TUT1: variants seen among roughly 807,000 people sequenced by gnomAD.
TUT1 encodes the protein speckle targeted PIP5K1A-regulated poly(A) polymerase.
In TUT1, 26 loss-of-function variants were observed where a neutral mutation model predicts 48.8. That is an observed-to-expected ratio of 0.53 (90% CI 0.39 to 0.74). The LOEUF (loss-of-function observed/expected upper bound fraction) is 0.74, where lower values mean the gene tolerates loss of function less well. TUT1 is among the 30% of genes least tolerant of loss of function. The pLI is 0.00. For synonymous variants in TUT1, 470 were observed against 460.8 expected (o/e 1.02, Z -0.26); for missense variants, 1,065 against 1,114.8 (o/e 0.96, Z 0.64).
At chr11:62,584,391 G>T (rs1183316277) in intron 2 of TUT1, among the ~76,000 whole-genome samples, 1 of 151,632 alleles carries the variant, frequency 6.6e-6, no homozygotes, top group Non-Finnish European at 1.5e-5. Context: ...GCCTCCCAGA[G>T]GGCTGGGATT....
rs754419575 is a variant in TUT1 at position 62,581,450 on chromosome 11, G to C, written c.525C>G (p.Ala175=). The C allele has an allele frequency of 5.0e-6, 8 of 1,613,574 alleles. No homozygotes were observed. The highest frequency in any genetic ancestry group is 2.2e-5 in the East Asian group (1 of 44,896). The change falls in exon 3 of 9, where the codon GCC becomes GCG. Residue 175 remains alanine, a synonymous_variant. Coordinates refer to ENST00000476907, the MANE Select transcript of TUT1 (RefSeq NM_022830.3). The stretch of plus-strand genomic sequence containing the variant: ...CCACTAGGCTGCGAAGCTGCCGCTC[G>C]GCCTCGGACAACTCCCTCAGCCCCA... ...KLVGLRELSE[A]ERQLRSLVVA...
chr11:62,585,223 C>T (rs982073413), intron 2 of TUT1, among the ~76,000 whole-genome samples: 1 of 152,074 alleles, frequency 6.6e-6, no homozygotes, highest in Non-Finnish European at 1.5e-5. Context: ...TGGGCTCAAG[C>T]GAACCTCCCG....
rs766381068 is a variant in TUT1 at position 62,581,109 on chromosome 11, G to C, written c.687C>G (p.Pro229=). The C allele has an allele frequency of 1.2e-6, 2 of 1,613,672 alleles. No individual in the cohort carries two copies. The highest frequency in any genetic ancestry group is 1.7e-6 in the Non-Finnish European group (2 of 1,179,732). Residue 229 remains proline (P), a synonymous_variant, in exon 4 of 9, where the codon CCC becomes CCG. Transcript: ENST00000476907. The part of the protein sequence containing the change: ...LFLDLGDLEE[P]QPVPKAPESP... ...CCTCCCTGGGACACTCACTCACCTG[G>C]GGCTCTTCCAAGTCACCCAGATCCA...
In TUT1 at chr11:62,577,287, C is replaced by T; in HGVS notation, c.1165G>A (p.Ala389Thr). Residue 389 changes from alanine to threonine, a missense_variant, in exon 6 of 9, where the codon GCC becomes ACC. Physicochemically the swap from Ala to Thr is moderately conservative, Grantham distance 58. Transcript: ENST00000476907. ...HGDVSLSNRL[A>T]LHNSRFLSLC... Reference sequence around the variant, plus strand: ...CTCAGGAAACGGGAGTTATGCAGGGCCAGCCTGGGACAAAGCAGGGACAAG... The same window carrying T: ...CTCAGGAAACGGGAGTTATGCAGGGTCAGCCTGGGACAAAGCAGGGACAAG... 1 of 1,612,128 alleles carries T rather than the reference C, an allele frequency of 6.2e-7. No individual in the cohort carries two copies. The highest frequency in any genetic ancestry group is 8.5e-7 in the Non-Finnish European group (1 of 1,179,364).
chr11:62,576,645 C>T lies in TUT1; in HGVS notation c.1474+12G>A. ...ATCATTACTAGTCCTCTACCAGGCT[C>T]CCCAAACTCACTGAGGGGCTCCACA... On this transcript the variant is annotated intron_variant, in intron 8 of 8. Coordinates refer to ENST00000476907, the MANE Select transcript of TUT1 (RefSeq NM_022830.3). 1 of 1,612,692 alleles carries T rather than the reference C, an allele frequency of 6.2e-7. No individual in the cohort carries two copies.
intron 2 of TUT1, among the ~76,000 whole-genome samples, chr11:62,587,435 C>T (rs1941939191): frequency 6.6e-6 from 1 of 151,898 alleles, no homozygotes; most frequent in Non-Finnish European, 1.5e-5. Flanking sequence ...CCCGCCCCAG[C>T]CTACCAAAGT....
intron 4 of TUT1, among the ~76,000 whole-genome samples, chr11:62,580,623 T>G (rs1343207065): frequency 1.4e-5 from 2 of 145,806 alleles, no homozygotes; most frequent in Non-Finnish European, 3.0e-5. Flanking sequence ...TTTTTTTTTT[T>G]GAGGAGTCTC....
In TUT1 at chr11:62,575,206, G is replaced by C. The variant is rs115926342; in HGVS notation, c.2513C>G (p.Pro838Arg). 19 of 1,613,042 alleles carry C rather than the reference G, an allele frequency of 1.2e-5. No homozygotes were observed. The highest frequency in any genetic ancestry group is 6.7e-5 in the African/African-American group (5 of 74,892). Residue 838 changes from proline to arginine, a missense_variant, in exon 9 of 9, where the codon CCG becomes CGG. Physicochemically the swap from Pro to Arg is moderately radical, Grantham distance 103 (BLOSUM62 -2). Coordinates refer to ENST00000476907, the MANE Select transcript of TUT1 (RefSeq NM_022830.3). ...GGTCACAGTGAGCATTCGGTCAGCC[G>C]GGGAGACAGACGCCACAAAGCTCAG... ...PLLSFVASVSPADRMLTVTPL... is the reference protein window; with the variant it reads ...PLLSFVASVSRADRMLTVTPL...
At chr11:62,583,029 AAGG>A (rs1565268067) in intron 2 of TUT1, among the ~76,000 whole-genome samples, 1 of 151,640 alleles carries the variant, frequency 6.6e-6, no homozygotes, top group Non-Finnish European at 1.5e-5. Flanking sequence ...TAGGGAGGCT[AAGG>A]CAGGAGAATG....
In TUT1 at chr11:62,575,941, G is replaced by A; in HGVS notation, c.1778C>T (p.Pro593Leu). 1 of 1,614,158 alleles carries A rather than the reference G, an allele frequency of 6.2e-7. No individual in the cohort carries two copies. The highest frequency in any genetic ancestry group is 8.5e-7 in the Non-Finnish European group (1 of 1,180,010). Residue 593 changes from proline to leucine, a missense_variant, in exon 9 of 9, where the codon CCT becomes CTT. Coordinates refer to ENST00000476907, the MANE Select transcript of TUT1 (RefSeq NM_022830.3). Reference sequence around the variant, plus strand: ...GCTGGGGGAGCTGGGCTGCAGAAGAGGGAGCAGCCCCCAGTCCCGACCCCG... The same window carrying A: ...GCTGGGGGAGCTGGGCTGCAGAAGAAGGAGCAGCCCCCAGTCCCGACCCCG... ...SSRGRDWGLL[P>L]LLQPSSPSSL...
At chr11:62,582,559 A>G (rs1467376976) in intron 2 of TUT1, 1 of 453,538 alleles carries the variant, frequency 2.2e-6, no homozygotes, top group Admixed American at 2.4e-5. Context: ...TTGTGATTGC[A>G]CCACTACACA....
chr11:62,576,429 T>A, intron 8 of TUT1, 185 bp from the exon 9 acceptor site: 1 of 833,598 alleles, frequency 1.2e-6, no homozygotes, highest in South Asian at 1.9e-5. Flanking sequence ...TGCCCCCACA[T>A]GATGTCCTTG....
Position 62,576,219 on chromosome 11 carries a change from G to A in TUT1, c.1500C>T (p.Ser500=). The change falls in exon 9 of 9, where the codon TCC becomes TCT. Residue 500 remains serine (S), a synonymous_variant. Transcript: ENST00000476907. ...PLSSLLAQFF[S]CVSCWDLRGS... is the part of the protein sequence containing the mutation. ...CACGAAGATCCCAACAAGATACACA[G>A]GAGAAGAACTGGGCTAGCAGGGAAC... The A allele has an allele frequency of 6.3e-7, 1 of 1,598,536 alleles. No individual in the cohort carries two copies. The highest frequency in any genetic ancestry group is 8.5e-7 in the Non-Finnish European group (1 of 1,172,126).
chr11:62,590,906 T>C (rs1326904802), intron 1 of TUT1, among the ~76,000 whole-genome samples: 2 of 152,202 alleles, frequency 1.3e-5, no homozygotes, highest in Non-Finnish European at 2.9e-5. Context: ...CTTCTGTCTC[T>C]TCCTCACTGG....
intron 1 of TUT1, among the ~76,000 whole-genome samples, chr11:62,590,786 T>C (rs1021722181): frequency 6.7e-6 from 1 of 150,190 alleles, no homozygotes; most frequent in Non-Finnish European, 1.5e-5. Context: ...CACTGCAGCC[T>C]GGGTGACAGA....
At chr11:62,577,539 C>G (rs370410810) in intron 5 of TUT1, among the ~76,000 whole-genome samples, 1 of 149,484 alleles carries the variant, frequency 6.7e-6, no homozygotes. Context: ...GAGCCATGGT[C>G]ACACCACTGC....
intron 2 of TUT1, among the ~76,000 whole-genome samples, chr11:62,586,861 C>T (rs1941924582): frequency 6.6e-6 from 1 of 151,080 alleles, no homozygotes; most frequent in African/African-American, 2.4e-5. Context: ...CCTGCCACCA[C>T]ACCCAGCTAA....
chr11:62,579,078 C>A (rs1227312144), intron 4 of TUT1, 48 bp from the exon 5 acceptor site: 1 of 1,365,960 alleles, frequency 7.3e-7, no homozygotes, highest in Non-Finnish European at 9.7e-7. Flanking sequence ...GTTCCCTAAG[C>A]AGGGATCTCT....
At chr11:62,581,254 A>AG (rs1206035104) in intron 3 of TUT1, 48 bp from the exon 4 acceptor site, 2 of 1,592,338 alleles carry the variant, frequency 1.3e-6, no homozygotes, top group South Asian at 2.2e-5. Flanking sequence ...AGGGAGGAGC[A>AG]GGGGGAAGAA....
Sources: allele counts gnomAD v4.1 joint callset (sites outside exome capture counted in the v4.1 genomes callset), GRCh38; gene constraint gnomAD v4.1.1; transcripts MANE v1.5; gene names NCBI Gene and HGNC (gene_info 2026-07-23, HGNC 2026-07-21).